Variants in PTPRG observed in about 807,000 individuals in gnomAD.
PTPRG encodes receptor-type tyrosine-protein phosphatase gamma.
In PTPRG, 102 loss-of-function variants were observed where a neutral mutation model predicts 165.3. The ratio of observed to expected loss-of-function variants is 0.62; its 90% CI spans 0.53 to 0.73. The LOEUF (loss-of-function observed/expected upper bound fraction) is 0.73. PTPRG is among the 30% of genes least tolerant of loss of function. PTPRG has a pLI of 0.00. For missense variants in PTPRG, 1,866 were observed against 1,861.4 expected (o/e 1.00, Z -0.05); for synonymous variants, 675 against 669.5 (o/e 1.01, Z -0.13).
intron 4 of PTPRG, among the ~76,000 whole-genome samples, chr3:62,006,925 TTATC>T (rs2041310904): frequency 6.6e-6 from 1 of 152,212 alleles, no homozygotes; most frequent in Non-Finnish European, 1.5e-5. Flanking sequence ...AAGCATTTCT[TTATC>T]TAAGTAGCAT....
At chr3:61,569,149 G>A (rs538027514) in intron 1 of PTPRG, among the ~76,000 whole-genome samples, 24 of 152,274 alleles carry the variant, frequency 1.6e-4, no homozygotes, top group African/African-American at 5.5e-4. Flanking sequence ...GTAGCAGGAA[G>A]AAAAATCTTT....
intron 1 of PTPRG, among the ~76,000 whole-genome samples, chr3:61,718,622 T>A (rs1331520104): frequency 1.3e-5 from 2 of 152,212 alleles, no homozygotes; most frequent in African/African-American, 4.8e-5. Context: ...AAAAACCGTA[T>A]CTCCAAAAGC....
chr3:62,282,338 A>G (rs1702481087), intron 27 of PTPRG, among the ~76,000 whole-genome samples: 2 of 151,552 alleles, frequency 1.3e-5, no homozygotes, highest in Non-Finnish European at 2.9e-5. Context: ...ATCCTTTCAC[A>G]TCAGCCTCCC....
intron 4 of PTPRG, among the ~76,000 whole-genome samples, chr3:62,007,510 T>G (rs1242642371): frequency 6.6e-6 from 1 of 152,218 alleles, no homozygotes. Flanking sequence ...GATCCTCAGA[T>G]GCCCTCACCT....
Position 62,214,938 on chromosome 3 carries a change from T to C in PTPRG, c.2156-3913T>C, listed in dbSNP as rs1440041899. On this transcript the variant is annotated intron_variant, in intron 12 of 29. Coordinates refer to ENST00000474889, the MANE Select transcript of PTPRG (RefSeq NM_002841.4). The surrounding 1 kb of genome is among the most constrained non-coding windows in gnomAD (Gnocchi z 5.2). ...GGAAGCCTCACAGAGAAGGCAGCAT[T>C]TGAACCAGGACTGAAGGATCAATAA... Among the ~76,000 whole-genome samples, 3 of 152,180 alleles carry C rather than the reference T, an allele frequency of 2.0e-5. No homozygotes were observed. Among genetic ancestry groups the C allele is most frequent in the Non-Finnish European group, 4.4e-5 (3 of 68,044 alleles).
intron 1 of PTPRG, among the ~76,000 whole-genome samples, chr3:61,693,813 C>T (rs1476984115): frequency 1.3e-5 from 2 of 151,992 alleles, no homozygotes; most frequent in Non-Finnish European, 2.9e-5. Context: ...CGAGACCATC[C>T]TGGGCAACAC....
At chr3:62,039,245 G>GTT (rs11346667) in intron 4 of PTPRG, among the ~76,000 whole-genome samples, 1 of 144,668 alleles carries the variant, frequency 6.9e-6, no homozygotes, top group Non-Finnish European at 1.5e-5. Flanking sequence ...AAGAGTTATG[G>GTT]TTTTTTTTTT....
chr3:62,202,414 CCAGAGTAGCATGG>C (rs1700115151), intron 11 of PTPRG, among the ~76,000 whole-genome samples: 1 of 152,160 alleles, frequency 6.6e-6, no homozygotes, highest in Non-Finnish European at 1.5e-5. Flanking sequence ...ATGCCTGCCT[CCAGAGTAGCATGG>C]AAAGCCCTGG....
At chr3:62,056,637 T>C in intron 4 of PTPRG, among the ~76,000 whole-genome samples, 1 of 152,168 alleles carries the variant, frequency 6.6e-6, no homozygotes, top group East Asian at 1.9e-4. Flanking sequence ...ATATCTAAGA[T>C]GTAATAGATG....
In PTPRG at chr3:61,610,809, A is replaced by C. The variant is rs536331325; in HGVS notation, c.85+48437A>C. Among the ~76,000 whole-genome samples the C allele has an allele frequency of 1.3e-4, 14 of 107,260 alleles. No individual in the cohort carries two copies. The South Asian group carries it at 1.9e-3, about 15-fold the overall frequency. The allele number at this position is 107,260 out of a possible 152,430, so 70.4% of individuals were successfully genotyped here. A position where few individuals can be genotyped will look rare whatever the true frequency, so the allele number is the denominator to read the frequency against. On this transcript the variant is annotated intron_variant, in intron 1 of 29. Coordinates refer to ENST00000474889, the MANE Select transcript of PTPRG (RefSeq NM_002841.4). Reference sequence around the variant, plus strand: ...TCTCTCTCTCCATCTCTCTTTCTCTATCTCTCTCTTTGTTTTTCTTTCTTT... The same window carrying C: ...TCTCTCTCTCCATCTCTCTTTCTCTCTCTCTCTCTTTGTTTTTCTTTCTTT...
chr3:62,232,931 C>T (rs1215583447), intron 14 of PTPRG, among the ~76,000 whole-genome samples: 1 of 152,236 alleles, frequency 6.6e-6, no homozygotes, highest in African/African-American at 2.4e-5. Context: ...TGCAGCTCTG[C>T]CACTTCCTGG....
intron 4 of PTPRG, among the ~76,000 whole-genome samples, chr3:62,006,283 C>G (rs2041296353): frequency 6.6e-6 from 1 of 152,162 alleles, no homozygotes; most frequent in Non-Finnish European, 1.5e-5. Context: ...ACTTGAATTT[C>G]AGAGATTAAA....
intron 1 of PTPRG, chr3:61,739,119 A>T (rs2032886329): frequency 6.6e-6 from 1 of 151,350 alleles, no homozygotes; most frequent in Non-Finnish European, 1.5e-5. Context: ...GAAAAAAAAA[A>T]ATTTTTTTTA....
chr3:62,017,535 C>G (rs1199109204), intron 4 of PTPRG, among the ~76,000 whole-genome samples: 1 of 151,864 alleles, frequency 6.6e-6, no homozygotes, highest in Non-Finnish European at 1.5e-5. Context: ...CCTGCCTCAG[C>G]CTCCCGAGTA....
At position 61,713,088 on chromosome 3, in the gene PTPRG, C is replaced by T. The variant is rs547374203; in HGVS notation, c.86-35790C>T. Reference sequence around the variant, plus strand: ...TTTTATTCATTTTTTCCTAGTTTCTCCTAAATGCATGTCTTTGGGTTCAGA... The same window carrying T: ...TTTTATTCATTTTTTCCTAGTTTCTTCTAAATGCATGTCTTTGGGTTCAGA... On this transcript the variant is annotated intron_variant, in intron 1 of 29. Coordinates refer to ENST00000474889, the MANE Select transcript of PTPRG (RefSeq NM_002841.4). Among the ~76,000 whole-genome samples, 6 of 151,926 alleles carry T rather than the reference C, an allele frequency of 3.9e-5. No homozygotes were observed. In the South Asian group the frequency reaches 1.3e-3, roughly 32 times the overall value.
intron 12 of PTPRG, among the ~76,000 whole-genome samples, chr3:62,218,439 C>T (rs1247710426): frequency 6.6e-6 from 1 of 152,196 alleles, no homozygotes; most frequent in Non-Finnish European, 1.5e-5. Context: ...CCCTCTTGCC[C>T]TTGCCCTAGA....
chr3:62,039,673 C>T lies in PTPRG; in HGVS notation c.519+36176C>T, dbSNP rs539885808. Reference sequence around the variant, plus strand: ...GATAGATCATTTAAACAAATATGACCGTGTTTTAAATTTGATTTAAGAATG... The same window carrying T: ...GATAGATCATTTAAACAAATATGACTGTGTTTTAAATTTGATTTAAGAATG... On this transcript the variant is annotated intron_variant, in intron 4 of 29. Transcript: ENST00000474889. 8.5e-5 allele frequency among the ~76,000 whole-genome samples: 13 copies of T among 152,166 alleles called. No homozygotes were observed. The South Asian group carries it at 1.0e-3, about 12-fold the overall frequency.
chr3:62,135,056 T>C (rs1703656158), intron 6 of PTPRG, among the ~76,000 whole-genome samples: 1 of 152,114 alleles, frequency 6.6e-6, no homozygotes, highest in East Asian at 1.9e-4. Flanking sequence ...GTGAATCACT[T>C]GAGCCCAGGA....
chr3:62,198,540 G>A (rs1380926804), intron 10 of PTPRG, among the ~76,000 whole-genome samples: 1 of 152,148 alleles, frequency 6.6e-6, no homozygotes, highest in African/African-American at 2.4e-5. Context: ...AGACTCATCC[G>A]TGGCAAAGCC....
Sources: gnomAD v4.1 joint callset for allele counts (sites outside exome capture counted in the v4.1 genomes callset) on GRCh38, gnomAD v4.1.1 for gene constraint, Gnocchi (gnomAD v3.1) non-coding constraint, MANE v1.5 for transcripts, NCBI Gene and HGNC (gene_info 2026-07-23, HGNC 2026-07-21) for gene names.